Variants in VWF observed in about 807,000 individuals in gnomAD.
VWF encodes Factor VIII related antigen.
In VWF, 176 loss-of-function variants were observed where a neutral mutation model predicts 308.6. That is an observed-to-expected ratio of 0.57 (90% CI 0.50 to 0.65). The LOEUF (loss-of-function observed/expected upper bound fraction) is 0.65, where lower values mean the gene tolerates loss of function less well. Among genes scored for constraint, VWF ranks in the 30% least tolerant of loss-of-function variants. The pLI, the probability that VWF is intolerant of heterozygous loss-of-function variation, is 0.00. For synonymous variants in VWF, 1,385 were observed against 1,443.4 expected, an observed-to-expected ratio of 0.96 and a Z score of 0.92; for missense variants, 3,146 against 3,648.2, an observed-to-expected ratio of 0.86 and a Z score of 3.55.
In VWF at chr12:6,046,245, G is replaced by A. The variant is rs1395808660; in HGVS notation, c.2281+478C>T. 6.6e-6 allele frequency among the ~76,000 whole-genome samples: 1 copy of A among 152,002 alleles called. No homozygotes were observed. Among genetic ancestry groups the A allele is most frequent in the Non-Finnish European group, 1.5e-5 (1 of 67,990 alleles). On this transcript the variant is annotated intron_variant, in intron 17 of 51. Transcript: ENST00000261405. The surrounding 1 kb of genome is among the most constrained non-coding windows in gnomAD (Gnocchi z 5.0). ...AAAAAAAAAAGACAGTGCAGCCACC[G>A]TTAGGACCTTCGAATGGAGAGCAAC...
Position 6,095,498 on chromosome 12 carries a change from T to C in VWF, c.619A>G (p.Ser207Gly). ...EQWCERASPPSSSCNISSGEM... is the reference protein window; with the variant it reads ...EQWCERASPPGSSCNISSGEM... ...CCAGAGGAGATGTTGCATGAGCTGCTGGGAGGAGATGCCCGTTCACACCAC... is the reference window on the plus strand; with the variant it reads ...CCAGAGGAGATGTTGCATGAGCTGCCGGGAGGAGATGCCCGTTCACACCAC... The change falls in exon 6 of 52, where the codon AGC (serine) becomes GGC (glycine). Residue 207 changes from serine (S) to glycine (G), a missense_variant. Coordinates refer to ENST00000261405, the MANE Select transcript of VWF (RefSeq NM_000552.5). 1 of 1,614,146 alleles carries C rather than the reference T, an allele frequency of 6.2e-7. No individual in the cohort carries two copies. The highest frequency in any genetic ancestry group is 8.5e-7 in the Non-Finnish European group (1 of 1,180,006).
intron 22 of VWF, among the ~76,000 whole-genome samples, chr12:6,027,157 A>G (rs1591868682): frequency 6.6e-6 from 1 of 152,278 alleles, no homozygotes; most frequent in East Asian, 1.9e-4. Context: ...AGTAGCCCCC[A>G]TGGTATGGCT....
rs1368194560 is a variant in VWF, at chr12:6,073,639, A to G, written c.977T>C (p.Val326Ala). 6.2e-7 allele frequency: 1 copy of G among 1,614,126 alleles called. No individual in the cohort carries two copies. The highest frequency in any genetic ancestry group is 2.2e-5 in the East Asian group (1 of 44,882). The change falls in exon 8 of 52, where the codon GTG (valine) becomes GCG (alanine). Residue 326 changes from valine to alanine, a missense_variant. Val to Ala is a moderately conservative substitution (Grantham distance 64, BLOSUM62 0). Around this residue, in one of 3 missense-constraint regions of VWF, gnomAD observed 1,304 missense variants for 1,353.0 expected, o/e 0.96. Coordinates refer to ENST00000261405, the MANE Select transcript of VWF (RefSeq NM_000552.5). ...ATTACCAGGGCAGCTGCAGCCATCC[A>G]CGCATCGCTCCTGACACATTTCATT... ...HINEMCQERCVDGCSCPEGQL... is the reference protein window; with the variant it reads ...HINEMCQERCADGCSCPEGQL...
chr12:5,965,916 A>G (rs1943396587), intron 47 of VWF, among the ~76,000 whole-genome samples: 1 of 152,252 alleles, frequency 6.6e-6, no homozygotes, highest in South Asian at 2.1e-4. Context: ...AGATACCAGA[A>G]TTCTGGAGAA....
intron 47 of VWF, among the ~76,000 whole-genome samples, chr12:5,962,978 C>T (rs907281076): frequency 1.3e-5 from 2 of 152,186 alleles, no homozygotes; most frequent in African/African-American, 4.8e-5. Flanking sequence ...AAAATTTATT[C>T]CTCATGGATC....
At chr12:6,109,288 TATA>T (rs1410495192) in intron 5 of VWF, among the ~76,000 whole-genome samples, 1 of 150,022 alleles carries the variant, frequency 6.7e-6, no homozygotes, top group Non-Finnish European at 1.5e-5. Context: ...CACACACATA[TATA>T]ATTACATATA....
intron 32 of VWF, among the ~76,000 whole-genome samples, chr12:6,012,735 T>C (rs1162669249): frequency 6.6e-6 from 1 of 150,448 alleles, no homozygotes; most frequent in African/African-American, 2.4e-5. Flanking sequence ...GGAGTCTCAC[T>C]CTGTTGCCCA....
In VWF at chr12:6,016,787, A is replaced by G. The variant is rs1187670388; in HGVS notation, c.5137T>C (p.Phe1713Leu). ...GCTTTTGAAATGAAAGCCTTGGCGA[A>G]ACTCTTCATTTCATCAAAATAAGAA... ...PASYFDEMKS[F>L]AKAFISKANI... Residue 1713 changes from phenylalanine (F) to leucine (L), a missense_variant, in exon 29 of 52, where the codon TTC becomes CTC. Transcript: ENST00000261405. 10 of 1,614,014 alleles carry G rather than the reference A, an allele frequency of 6.2e-6. No homozygotes were observed. Among genetic ancestry groups the G allele is most frequent in the Non-Finnish European group, 8.5e-6 (10 of 1,180,052 alleles).
At chr12:5,991,499 C>T (rs540190270) in intron 38 of VWF, among the ~76,000 whole-genome samples, 3 of 152,216 alleles carry the variant, frequency 2.0e-5, no homozygotes, top group African/African-American at 7.2e-5. Flanking sequence ...TATTCTTTTC[C>T]CTTTCCCTCC....
chr12:6,050,029 C>A (rs936457511), intron 16 of VWF, among the ~76,000 whole-genome samples: 2 of 152,206 alleles, frequency 1.3e-5, no homozygotes, highest in African/African-American at 4.8e-5. Flanking sequence ...CCTCCATGTA[C>A]GTCTTTCTCT....
Position 6,029,346 on chromosome 12 carries a change from T to C in VWF, c.2963A>G (p.Tyr988Cys). Residue 988 changes from tyrosine (Y) to cysteine (C), a missense_variant, in exon 22 of 52, where the codon TAC becomes TGC. This residue lies in a region of VWF where 1,304 missense variants were observed against 1,353.0 expected (regional missense o/e 0.96). Transcript: ENST00000261405. ...TGAAGCAAGAAAGCCACTGACCTGG[T>C]ATGTCTGCTTCAGGACCACGGAGAT... Reference protein sequence around the residue: ...LSISVVLKQTYQEKVCGLCGN... With the variant: ...LSISVVLKQTCQEKVCGLCGN... 6.2e-7 allele frequency: 1 copy of C among 1,614,028 alleles called. No homozygotes were observed.
intron 42 of VWF, among the ~76,000 whole-genome samples, chr12:5,977,695 C>A (rs1943546748): frequency 2.0e-5 from 3 of 151,946 alleles, no homozygotes; most frequent in East Asian, 1.9e-4. Context: ...CATGATGAAA[C>A]CTTGTCTCTA....
intron 39 of VWF, among the ~76,000 whole-genome samples, 153 bp downstream of exon 39, chr12:5,985,410 G>A (rs1943668322): frequency 6.6e-6 from 1 of 152,194 alleles, no homozygotes; most frequent in Non-Finnish European, 1.5e-5. Flanking sequence ...CCCAGTGATG[G>A]GAAATGCAGG....
intron 23 of VWF, 90 bp from the exon 24 acceptor site, chr12:6,025,783 C>G (rs56121649): frequency 0.25 from 385,191 of 1,567,590 alleles, 51,687 homozygotes; most frequent in African/African-American, 0.43. Context: ...TCCTTCCCAC[C>G]CTGCAGCCAC....
At position 6,016,586 on chromosome 12, in the gene VWF, C is replaced by T. The variant is rs1436478258; in HGVS notation, c.5241G>A (p.Val1747=). 1 of 1,614,102 alleles carries T rather than the reference C, an allele frequency of 6.2e-7. No individual in the cohort carries two copies. Among genetic ancestry groups the T allele is most frequent in the African/African-American group, 1.3e-5 (1 of 74,916 alleles). The stretch of plus-strand genomic sequence containing the variant: ...TCAGCAAATGGGCTTTCTCCGGGAC[C>T]ACGTTCCATGGCACGTCAATGGTGG... ...SITTIDVPWN[V]VPEKAHLLSL... Residue 1747 remains valine, a synonymous_variant, in exon 30 of 52, where the codon GTG becomes GTA. Transcript: ENST00000261405.
intron 34 of VWF, among the ~76,000 whole-genome samples, chr12:6,008,091 A>G (rs1414854601): frequency 6.6e-6 from 1 of 152,222 alleles, no homozygotes; most frequent in African/African-American, 2.4e-5. Context: ...CTTTCACTGG[A>G]TAATTCTACC....
Position 5,969,274 on chromosome 12 carries a change from C to T in VWF, c.7666G>A (p.Val2556Ile), listed in dbSNP as rs372582651. 8.1e-6 allele frequency: 13 copies of T among 1,614,072 alleles called. No homozygotes were observed. The highest frequency in any genetic ancestry group is 3.3e-5 in the Admixed American group (2 of 60,014). ...NVSCPQLEVP[V>I]CPSGFQLSCK... ...CTCAGCTGAAAGCCCGAGGGGCAGA[C>T]AGGGACCTCCAGCTGGGGGCAGGAG... Residue 2556 changes from valine to isoleucine, a missense_variant, in exon 45 of 52, where the codon GTC becomes ATC. Around this residue, in one of 3 missense-constraint regions of VWF, gnomAD observed 989 missense variants for 1,117.4 expected, o/e 0.89. Transcript: ENST00000261405.
chr12:5,955,456 G>C (rs886132898), intron 47 of VWF, among the ~76,000 whole-genome samples: 19 of 151,766 alleles, frequency 1.3e-4, no homozygotes, highest in African/African-American at 4.6e-4. Flanking sequence ...CTATGAGTGA[G>C]AACATGCGGT....
At position 6,058,122 on chromosome 12, in the gene VWF, T is replaced by C. The variant is rs1944610907; in HGVS notation, c.1534-78A>G. The C allele has an allele frequency of 1.6e-5, 24 of 1,510,944 alleles. No homozygotes were observed. The South Asian group carries it at 2.9e-4, about 18-fold the overall frequency. 93.6% of individuals were successfully genotyped at this position (1,510,944 alleles called of 1,614,324 possible). On this transcript the variant is annotated intron_variant, in intron 13 of 51. Coordinates refer to ENST00000261405, the MANE Select transcript of VWF (RefSeq NM_000552.5). This position sits in a 1 kb window ranked among gnomAD's most constrained non-coding sequence, Gnocchi z 4.9. Reference sequence around the variant, plus strand: ...AGTTGTTTAGCTAATGAGATGGTTTTAATAAAAAAAAAAAAGTTCCCCGGG... The same window carrying C: ...AGTTGTTTAGCTAATGAGATGGTTTCAATAAAAAAAAAAAAGTTCCCCGGG...
Sources: allele counts gnomAD v4.1 joint callset (sites outside exome capture counted in the v4.1 genomes callset), GRCh38; gene constraint gnomAD v4.1.1; regional missense constraint gnomAD v4.1.1; non-coding constraint Gnocchi (gnomAD v3.1); transcripts MANE v1.5; gene names NCBI Gene and HGNC (gene_info 2026-07-23, HGNC 2026-07-21).